Variants in TAS2R19 observed in about 807,000 individuals in gnomAD.
TAS2R19 encodes taste 2 receptor member 19, also known as taste receptor type 2 member 19.
For synonymous variants in TAS2R19, 108 were observed against 123.4 expected, an observed-to-expected ratio of 0.87 and a Z score of 0.83; for missense variants, 336 against 342.4, an observed-to-expected ratio of 0.98 and a Z score of 0.15.
rs745475288 is a variant in TAS2R19, at chr12:11,022,096, T to G, written c.476A>C (p.Glu159Ala). 1 of 1,613,824 alleles carries G rather than the reference T, an allele frequency of 6.2e-7. No homozygotes were observed. The change falls in exon 1 of 1, where the codon GAA becomes GCA. Residue 159 changes from glutamate (E) to alanine (A), a missense_variant. Physicochemically the swap from Glu to Ala is moderately radical, Grantham distance 107 (BLOSUM62 -1). Coordinates refer to ENST00000390673, the MANE Select transcript of TAS2R19 (RefSeq NM_176888.2). The stretch of plus-strand genomic sequence containing the variant: ...TTTGATCTTCCAAGTCACATTTCCT[T>G]CATATTCTTTTGTCCACACTCTCTC... ...MDERVWTKEY[E>A]GNVTWKIKLR...
Position 11,022,173 on chromosome 12 carries a change from C to G in TAS2R19, c.399G>C (p.Leu133=), listed in dbSNP as rs753181094. ...AAATCAGAAATACCAAGGGCCCCAA[C>G]AGTATCACCAGAACAACACTCTTAA... ...KRIKSVVLVI[L]LGPLVFLICN... is the part of the protein sequence containing the mutation. The change falls in exon 1 of 1, where the codon CTG becomes CTC. Residue 133 remains leucine (L), a synonymous_variant. Transcript: ENST00000390673. 6.2e-7 allele frequency: 1 copy of G among 1,614,016 alleles called. No individual in the cohort carries two copies. The highest frequency in any genetic ancestry group is 8.5e-7 in the Non-Finnish European group (1 of 1,179,914).
In TAS2R19 at chr12:11,021,992, A is replaced by G; in HGVS notation, c.580T>C (p.Cys194Arg). 6.3e-7 allele frequency: 1 copy of G among 1,594,272 alleles called. No individual in the cohort carries two copies. Among genetic ancestry groups the G allele is most frequent in the Non-Finnish European group, 8.5e-7 (1 of 1,171,440 alleles). ...NLIPFTLSLI[C>R]FLLLICSLCK... ...AGAGAACAGATTAACAGCAGAAAAC[A>G]TATTAGGCTCAGAGTAAAGGGTATG... Residue 194 changes from cysteine to arginine, a missense_variant, in exon 1 of 1, where the codon TGT (cysteine) becomes CGT (arginine). Transcript: ENST00000390673.
Position 11,022,568 on chromosome 12 carries a change from T to G in TAS2R19, c.4A>C (p.Met2Leu). 1 of 1,601,794 alleles carries G rather than the reference T, an allele frequency of 6.2e-7. No homozygotes were observed. The highest frequency in any genetic ancestry group is 8.5e-7 in the Non-Finnish European group (1 of 1,174,826). ...GATGAAATGATGAGCAGAAAACACA[T>G]CATGTTTGAACAGATAAAAAAATGC... M[M>L]CFLLIISSIL... Residue 2 changes from methionine (M) to leucine (L), a missense_variant, in exon 1 of 1, where the codon ATG becomes CTG. Physicochemically the swap from Met to Leu is conservative, Grantham distance 15 (BLOSUM62 2). Transcript: ENST00000390673.
Position 11,022,136 on chromosome 12 carries a change from C to A in TAS2R19, c.436G>T (p.Val146Leu). ...CACACTCTCTCATCCATGGTTATCA[C>A]AGCAAGATTACAAATCAGAAATACC... ...PLVFLICNLA[V>L]ITMDERVWTK... The change falls in exon 1 of 1, where the codon GTG becomes TTG. Residue 146 changes from valine (V) to leucine (L), a missense_variant. Coordinates refer to ENST00000390673, the MANE Select transcript of TAS2R19 (RefSeq NM_176888.2). 1 of 1,613,822 alleles carries A rather than the reference C, an allele frequency of 6.2e-7. No individual in the cohort carries two copies. The highest frequency in any genetic ancestry group is 8.5e-7 in the Non-Finnish European group (1 of 1,179,770).
rs79906789 is a variant in TAS2R19 at position 11,022,099 on chromosome 12, T to C, written c.473A>G (p.Tyr158Cys). 1 of 1,584,242 alleles carries C rather than the reference T, an allele frequency of 6.3e-7. No individual in the cohort carries two copies. The highest frequency in any genetic ancestry group is 2.3e-5 in the East Asian group (1 of 43,766). The change falls in exon 1 of 1, where the codon TAT (tyrosine) becomes TGT (cysteine). Residue 158 changes from tyrosine to cysteine, a missense_variant. Tyr to Cys is a radical substitution (Grantham distance 194). Transcript: ENST00000390673. ...TMDERVWTKE[Y>C]EGNVTWKIKL... is the part of the protein sequence containing the mutation. ...GATCTTCCAAGTCACATTTCCTTCA[T>C]ATTCTTTTGTCCACACTCTCTCATC...
In TAS2R19 at chr12:11,022,031, T is replaced by A; in HGVS notation, c.541A>T (p.Thr181Ser). 1 of 1,613,764 alleles carries A rather than the reference T, an allele frequency of 6.2e-7. No individual in the cohort carries two copies. Among genetic ancestry groups the A allele is most frequent in the East Asian group, 2.2e-5 (1 of 44,860 alleles). Reference protein sequence around the residue: ...AIHLSSLTVTTLANLIPFTLS... With the variant: ...AIHLSSLTVTSLANLIPFTLS... Reference sequence around the variant, plus strand: ...GTAAAGGGTATGAGGTTTGCTAGAGTAGTTACAGTCAAGCTTGAAAGGTGT... The same window carrying A: ...GTAAAGGGTATGAGGTTTGCTAGAGAAGTTACAGTCAAGCTTGAAAGGTGT... The change falls in exon 1 of 1, where the codon ACT becomes TCT. Residue 181 changes from threonine to serine, a missense_variant. Coordinates refer to ENST00000390673, the MANE Select transcript of TAS2R19 (RefSeq NM_176888.2).
Position 11,022,379 on chromosome 12 carries a change from G to T in TAS2R19, c.193C>A (p.Leu65Ile). ...RIGLLWVMLFLWYATVFNSAL... is the reference protein window; with the variant it reads ...RIGLLWVMLFIWYATVFNSAL... ...GAATTAAACACAGTTGCATACCAAA[G>T]GAATAACATGACCCAGAGTAAACCA... The change falls in exon 1 of 1, where the codon CTT becomes ATT. Residue 65 changes from leucine to isoleucine, a missense_variant. Physicochemically the swap from Leu to Ile is conservative, Grantham distance 5. Transcript: ENST00000390673. 2.5e-6 allele frequency: 4 copies of T among 1,605,510 alleles called. No individual in the cohort carries two copies. Among genetic ancestry groups the T allele is most frequent in the Non-Finnish European group, 3.4e-6 (4 of 1,176,324 alleles).
At position 11,022,488 on chromosome 12, in the gene TAS2R19, G is replaced by A. The variant is rs12313469; in HGVS notation, c.84C>T (p.Ala28=). The A allele has an allele frequency of 0.5, 794,392 of 1,596,860 alleles. 202,538 individuals carry two copies. Among genetic ancestry groups the A allele is most frequent in the Non-Finnish European group, 0.53 (623,085 of 1,171,276 alleles). ...VLGNVANGFI[A]LVNVIDWVNT... ...TAACCCAGTCAATGACATTTACTAG[G>A]GCTATGAAGCCATTGGCAACATTTC... Residue 28 remains alanine, a synonymous_variant, in exon 1 of 1, where the codon GCC becomes GCT. Coordinates refer to ENST00000390673, the MANE Select transcript of TAS2R19 (RefSeq NM_176888.2).
chr12:11,022,382 A>G lies in TAS2R19; in HGVS notation c.190T>C (p.Phe64Leu). The change falls in exon 1 of 1, where the codon TTC (phenylalanine) becomes CTC (leucine). Residue 64 changes from phenylalanine (F) to leucine (L), a missense_variant. By Grantham distance (22) the Phe-to-Leu change is conservative. Transcript: ENST00000390673. ...SRIGLLWVML[F>L]LWYATVFNSA... Reference sequence around the variant, plus strand: ...TTAAACACAGTTGCATACCAAAGGAATAACATGACCCAGAGTAAACCAATT... The same window carrying G: ...TTAAACACAGTTGCATACCAAAGGAGTAACATGACCCAGAGTAAACCAATT... 6.2e-7 allele frequency: 1 copy of G among 1,614,200 alleles called. No homozygotes were observed. Among genetic ancestry groups the G allele is most frequent in the Non-Finnish European group, 8.5e-7 (1 of 1,179,988 alleles).
At position 11,022,556 on chromosome 12, in the gene TAS2R19, G is replaced by A; in HGVS notation, c.16C>T (p.Leu6Phe). The change falls in exon 1 of 1, where the codon CTC becomes TTC. Residue 6 changes from leucine (L) to phenylalanine (F), a missense_variant. Leu to Phe is a conservative substitution (Grantham distance 22). Transcript: ENST00000390673. ...ACTACCAGAATTGATGAAATGATGA[G>A]CAGAAAACACATCATGTTTGAACAG... MMCFL[L>F]IISSILVVFA... is the part of the protein sequence containing the mutation. The A allele has an allele frequency of 6.2e-7, 1 of 1,609,950 alleles. No individual in the cohort carries two copies. The highest frequency in any genetic ancestry group is 8.5e-7 in the Non-Finnish European group (1 of 1,178,278).
Position 11,021,859 on chromosome 12 carries a change from A to T in TAS2R19, c.713T>A (p.Phe238Tyr). The change falls in exon 1 of 1, where the codon TTT becomes TAT. Residue 238 changes from phenylalanine (F) to tyrosine (Y), a missense_variant. Coordinates refer to ENST00000390673, the MANE Select transcript of TAS2R19 (RefSeq NM_176888.2). ...LQTVTSFLML[F>Y]AIYFLCIITS... ...GATTATACACAGAAAGTAAATGGCA[A>T]ATAACATGAGGAAGGAGGTCACAGT... The T allele has an allele frequency of 1.2e-6, 2 of 1,614,256 alleles. No homozygotes were observed. The highest frequency in any genetic ancestry group is 1.7e-6 in the Non-Finnish European group (2 of 1,180,036).
chr12:11,021,871 A>C lies in TAS2R19; in HGVS notation c.701T>G (p.Phe234Cys). 6.2e-7 allele frequency: 1 copy of C among 1,614,226 alleles called. No homozygotes were observed. Among genetic ancestry groups the C allele is most frequent in the Non-Finnish European group, 8.5e-7 (1 of 1,180,022 alleles). ...AAAGTAAATGGCAAATAACATGAGG[A>C]AGGAGGTCACAGTTTGCAAAGCTTT... ...HIKALQTVTSFLMLFAIYFLC... is the reference protein window; with the variant it reads ...HIKALQTVTSCLMLFAIYFLC... Residue 234 changes from phenylalanine to cysteine, a missense_variant, in exon 1 of 1, where the codon TTC becomes TGC. By Grantham distance (205) the Phe-to-Cys change is radical (BLOSUM62 -2). Coordinates refer to ENST00000390673, the MANE Select transcript of TAS2R19 (RefSeq NM_176888.2).
At position 11,021,878 on chromosome 12, in the gene TAS2R19, T is replaced by C; in HGVS notation, c.694A>G (p.Thr232Ala). The change falls in exon 1 of 1, where the codon ACC becomes GCC. Residue 232 changes from threonine (T) to alanine (A), a missense_variant. By Grantham distance (58) the Thr-to-Ala change is moderately conservative. Transcript: ENST00000390673. ...KVHIKALQTV[T>A]SFLMLFAIYF... ...ATGGCAAATAACATGAGGAAGGAGG[T>C]CACAGTTTGCAAAGCTTTTATATGG... 2 of 1,614,174 alleles carry C rather than the reference T, an allele frequency of 1.2e-6. No individual in the cohort carries two copies. The highest frequency in any genetic ancestry group is 8.5e-7 in the Non-Finnish European group (1 of 1,179,988).
In TAS2R19 at chr12:11,021,748, T is replaced by C. The variant is rs1325959881; in HGVS notation, c.824A>G (p.His275Arg). ...QTVAIMYPSF[H>R]SFILIMGSRK... is the part of the protein sequence containing the mutation. ...ACTTCCCATAATCAGGATGAATGAG[T>C]GGAATGAAGGATACATGATTGCAAC... is the stretch of plus-strand genomic sequence containing the variant. The change falls in exon 1 of 1, where the codon CAC becomes CGC. Residue 275 changes from histidine to arginine, a missense_variant. Transcript: ENST00000390673. The C allele has an allele frequency of 2.5e-6, 4 of 1,614,166 alleles. No homozygotes were observed. Among genetic ancestry groups the C allele is most frequent in the Non-Finnish European group, 3.4e-6 (4 of 1,179,976 alleles).
chr12:11,022,060 G>T lies in TAS2R19; in HGVS notation c.512C>A (p.Ala171Glu). Residue 171 changes from alanine to glutamate, a missense_variant, in exon 1 of 1, where the codon GCA becomes GAA. Transcript: ENST00000390673. ...NVTWKIKLRN[A>E]IHLSSLTVTT... The stretch of plus-strand genomic sequence containing the variant: ...TACAGTCAAGCTTGAAAGGTGTATT[G>T]CATTCCTCAATTTGATCTTCCAAGT... 6.2e-7 allele frequency: 1 copy of T among 1,613,890 alleles called. No individual in the cohort carries two copies. Among genetic ancestry groups the T allele is most frequent in the Non-Finnish European group, 8.5e-7 (1 of 1,179,838 alleles).
rs1363491150 is a variant in TAS2R19 at position 11,022,024 on chromosome 12, G to A, written c.548C>T (p.Ala183Val). The A allele has an allele frequency of 3.7e-6, 6 of 1,613,844 alleles. No homozygotes were observed. Among genetic ancestry groups the A allele is most frequent in the Non-Finnish European group, 5.1e-6 (6 of 1,179,910 alleles). The change falls in exon 1 of 1, where the codon GCA (alanine) becomes GTA (valine). Residue 183 changes from alanine to valine, a missense_variant. Physicochemically the swap from Ala to Val is moderately conservative, Grantham distance 64. Transcript: ENST00000390673. ...GCTCAGAGTAAAGGGTATGAGGTTTGCTAGAGTAGTTACAGTCAAGCTTGA... is the reference window on the plus strand; with the variant it reads ...GCTCAGAGTAAAGGGTATGAGGTTTACTAGAGTAGTTACAGTCAAGCTTGA... ...HLSSLTVTTL[A>V]NLIPFTLSLI...
In TAS2R19 at chr12:11,022,578, A is replaced by G. The variant is rs755216375; in HGVS notation, c.-7T>C. On this transcript the variant is annotated 5_prime_UTR_variant, in exon 1 of 1. Transcript: ENST00000390673. ...TGAGCAGAAAACACATCATGTTTGA[A>G]CAGATAAAAAAATGCAGGCTTAGTA... 29 of 1,587,452 alleles carry G rather than the reference A, an allele frequency of 1.8e-5. No individual in the cohort carries two copies. The East Asian group carries it at 6.3e-4, about 34-fold the overall frequency.
At chr12:11,022,375 CAAAGG>C in the TAS2R19 span, 2 of 1,614,034 alleles carry the variant, frequency 1.2e-6, no homozygotes, top group Non-Finnish European at 1.7e-6. Flanking sequence ...AGTTGCATAC[CAAAGG>C]AATAACATGA....
rs1483420190 is a variant in TAS2R19, at chr12:11,022,493, T to C, written c.79A>G (p.Ile27Val). ...FVLGNVANGF[I>V]ALVNVIDWVN... ...CAGTCAATGACATTTACTAGGGCTATGAAGCCATTGGCAACATTTCCAAGA... is the reference window on the plus strand; with the variant it reads ...CAGTCAATGACATTTACTAGGGCTACGAAGCCATTGGCAACATTTCCAAGA... Residue 27 changes from isoleucine (I) to valine (V), a missense_variant, in exon 1 of 1, where the codon ATA (isoleucine) becomes GTA (valine). Coordinates refer to ENST00000390673, the MANE Select transcript of TAS2R19 (RefSeq NM_176888.2). 1.9e-6 allele frequency: 3 copies of C among 1,613,578 alleles called. No homozygotes were observed. Among genetic ancestry groups the C allele is most frequent in the East Asian group, 2.2e-5 (1 of 44,890 alleles).
Sources: allele counts gnomAD v4.1 joint callset, GRCh38; gene constraint gnomAD v4.1.1; transcripts MANE v1.5; gene names NCBI Gene and HGNC (gene_info 2026-07-23, HGNC 2026-07-21).